The following FLT1 variants were observed in gnomAD, a reference collection of about 807,000 sequenced individuals.
FLT1 encodes the protein vascular endothelial growth factor receptor 1.
Under a neutral mutation model 156.3 loss-of-function variants are expected in FLT1, and 49 were observed. The observed-to-expected ratio is 0.31, with a 90% CI of 0.25 to 0.40. The LOEUF (loss-of-function observed/expected upper bound fraction) is 0.40. FLT1 is among the 10% of genes least tolerant of loss of function. The pLI, the probability that FLT1 is intolerant of heterozygous loss-of-function variation, is 1.00. For synonymous variants in FLT1, 594 were observed against 583.8 expected, an observed-to-expected ratio of 1.02 and a Z score of -0.25; for missense variants, 1,322 against 1,637.2, an observed-to-expected ratio of 0.81 and a Z score of 3.32.
intron 3 of FLT1, among the ~76,000 whole-genome samples, chr13:28,459,952 C>T (rs1443948277): frequency 6.6e-6 from 1 of 152,166 alleles, no homozygotes; most frequent in Non-Finnish European, 1.5e-5. Flanking sequence ...AAGGGTCCTT[C>T]TGATCCCCAC....
intron 3 of FLT1, among the ~76,000 whole-genome samples, chr13:28,466,039 G>C (rs1161311602): frequency 6.6e-6 from 1 of 151,842 alleles, no homozygotes; most frequent in Admixed American, 6.6e-5. Context: ...TACTAATATT[G>C]CTTTGTGTTC....
intron 29 of FLT1, among the ~76,000 whole-genome samples, chr13:28,304,415 T>C (rs979760026): frequency 6.6e-6 from 1 of 152,150 alleles, no homozygotes; most frequent in Non-Finnish European, 1.5e-5. Flanking sequence ...GGCCGATGAG[T>C]TGTGCTAACT....
At chr13:28,377,459 G>T (rs1045306617) in intron 14 of FLT1, among the ~76,000 whole-genome samples, 54 of 144,720 alleles carry the variant, frequency 3.7e-4, no homozygotes, top group African/African-American at 1.2e-3. Flanking sequence ...TTATTAATTT[G>T]CCTTATTCCA....
chr13:28,436,314 G>A (rs1028621701), intron 4 of FLT1, among the ~76,000 whole-genome samples: 7 of 152,122 alleles, frequency 4.6e-5, no homozygotes, highest in East Asian at 1.9e-4. Flanking sequence ...AGGAGAGGGA[G>A]GGGACAGAAA....
rs1871733631 is a variant in FLT1 at position 28,327,492 on chromosome 13, C to T, written c.2766G>A (p.Lys922=). The change falls in exon 20 of 30, where the codon AAG becomes AAA. Residue 922 remains lysine (K), a synonymous_variant. Transcript: ENST00000282397. ...TGAGAAAAAATAAGTCACGTTTGCT[C>T]TTGAGGTAGTTGGAGAGATTTCCAT... ...CKYGNLSNYL[K]SKRDLFFLNK... 2 of 1,613,578 alleles carry T rather than the reference C, an allele frequency of 1.2e-6. No individual in the cohort carries two copies. The highest frequency in any genetic ancestry group is 4.5e-5 in the East Asian group (2 of 44,882).
rs116597286 is a variant in FLT1 at position 28,354,132 on chromosome 13, G to C, written c.2248+3422C>G. Among the ~76,000 whole-genome samples, 1,104 of 152,270 alleles carry C rather than the reference G, an allele frequency of 7.3e-3. 11 individuals carry two copies. Among genetic ancestry groups the C allele is most frequent in the African/African-American group, 0.025 (1,022 of 41,556 alleles). ...TGTTTCATAGCTACCAGGGTGGTAA[G>C]AACAATGACTCTAGAAGAAGAGTCC... On this transcript the variant is annotated intron_variant, in intron 15 of 29. Coordinates refer to ENST00000282397, the MANE Select transcript of FLT1 (RefSeq NM_002019.4).
chr13:28,336,584 C>T (rs1160591829), intron 17 of FLT1, among the ~76,000 whole-genome samples: 1 of 152,134 alleles, frequency 6.6e-6, no homozygotes, highest in Admixed American at 6.5e-5. Flanking sequence ...TGGGTTGGGC[C>T]GTCTCTGGCA....
At position 28,365,422 on chromosome 13, in the gene FLT1, G is replaced by A. The variant is rs143516702; in HGVS notation, c.2117-7737C>T. ...GGCTAGAGTGAAGTGGTGCAATCTC[G>A]GCTCACTGCAACCTCTGCTCCCGGA... is the stretch of plus-strand genomic sequence containing the variant. On this transcript the variant is annotated intron_variant, in intron 14 of 29. Coordinates refer to ENST00000282397, the MANE Select transcript of FLT1 (RefSeq NM_002019.4). Among the ~76,000 whole-genome samples, 896 of 151,714 alleles carry A rather than the reference G, an allele frequency of 5.9e-3. 10 individuals carry two copies. Among genetic ancestry groups the A allele is most frequent in the African/African-American group, 0.021 (860 of 41,358 alleles).
chr13:28,336,641 A>T (rs1187908501), intron 17 of FLT1, among the ~76,000 whole-genome samples: 1 of 151,828 alleles, frequency 6.6e-6, no homozygotes, highest in Non-Finnish European at 1.5e-5. Flanking sequence ...GGCACCATTC[A>T]CTTGCCAAAC....
chr13:28,386,146 G>A (rs1050017216), intron 13 of FLT1: 2 of 1,053,460 alleles, frequency 1.9e-6, no homozygotes, highest in African/African-American at 1.7e-5. Flanking sequence ...AAACTGTGAA[G>A]GCAGCTTAGG....
At chr13:28,494,524 C>T (rs532825763) in intron 1 of FLT1, among the ~76,000 whole-genome samples, 11 of 152,210 alleles carry the variant, frequency 7.2e-5, no homozygotes, top group Middle Eastern at 3.2e-3. Flanking sequence ...AAACGGACAG[C>T]CCCAGCGCGG....
intron 11 of FLT1, chr13:28,398,967 G>A (rs1593746130): frequency 1.0e-6 from 1 of 959,942 alleles, no homozygotes; most frequent in East Asian, 2.6e-5. Flanking sequence ...TTTTGATGAT[G>A]AATCTTTTTA....
chr13:28,425,723 T>C (rs1191502845), intron 10 of FLT1, among the ~76,000 whole-genome samples: 1 of 152,080 alleles, frequency 6.6e-6, no homozygotes, highest in Non-Finnish European at 1.5e-5. Flanking sequence ...TAGCTTCAAT[T>C]ATTTAGTTTT....
At chr13:28,377,076 A>G (rs1873868462) in intron 14 of FLT1, among the ~76,000 whole-genome samples, 1 of 152,180 alleles carries the variant, frequency 6.6e-6, no homozygotes, top group Non-Finnish European at 1.5e-5. Flanking sequence ...TAGTCCCTTC[A>G]CACTGCATTT....
chr13:28,494,472 C>A (rs1204234092), intron 1 of FLT1, among the ~76,000 whole-genome samples: 1 of 152,164 alleles, frequency 6.6e-6, no homozygotes, highest in Non-Finnish European at 1.5e-5. Context: ...GGCAGTGAGA[C>A]CCCAACCCGA....
intron 17 of FLT1, among the ~76,000 whole-genome samples, 162 bp from the exon 18 acceptor site, chr13:28,334,291 T>C (rs1015762832): frequency 6.6e-6 from 1 of 152,222 alleles, no homozygotes; most frequent in African/African-American, 2.4e-5. Context: ...TTCTGGAGTC[T>C]CTTCCTTTCA....
chr13:28,311,538 C>CTTTTTTTTTTTT, intron 27 of FLT1, 52 bp downstream of exon 27: 2 of 1,432,560 alleles, frequency 1.4e-6, no homozygotes, highest in African/African-American at 1.4e-5. Flanking sequence ...TTCTTTCCTT[C>CTTTTTTTTTTTT]TTTTTTTTGT....
At chr13:28,477,109 G>A (rs562984318) in intron 1 of FLT1, among the ~76,000 whole-genome samples, 7 of 152,242 alleles carry the variant, frequency 4.6e-5, no homozygotes, top group South Asian at 4.1e-4. Flanking sequence ...CTCTAATAAC[G>A]TCAACATTCC....
chr13:28,464,441 A>G (rs1255787949), intron 3 of FLT1, among the ~76,000 whole-genome samples: 1 of 152,236 alleles, frequency 6.6e-6, no homozygotes, highest in Non-Finnish European at 1.5e-5. Flanking sequence ...TTTTCCCACT[A>G]AGCCTGGAAT....
Sources: gnomAD v4.1 joint callset for allele counts (sites outside exome capture counted in the v4.1 genomes callset) on GRCh38, gnomAD v4.1.1 for gene constraint, MANE v1.5 for transcripts, NCBI Gene and HGNC (gene_info 2026-07-23, HGNC 2026-07-21) for gene names.